PRPF38A: variants seen among roughly 807,000 people sequenced by gnomAD.
PRPF38A encodes the protein pre-mRNA-splicing factor 38A.
Under a neutral mutation model 46.8 loss-of-function variants are expected in PRPF38A, and 11 were observed. The ratio of observed to expected loss-of-function variants is 0.24; its 90% CI spans 0.15 to 0.39. The LOEUF (loss-of-function observed/expected upper bound fraction) is 0.39. Ranked by LOEUF, PRPF38A falls within the 10% of genes least tolerant of loss-of-function variation. The pLI is 1.00. For missense variants in PRPF38A, 261 were observed against 407.5 expected (o/e 0.64, Z 3.10); for synonymous variants, 124 against 136.2 (o/e 0.91, Z 0.62).
At chr1:52,413,816 A>G (rs1648214819) in intron 5 of PRPF38A, 63 bp from the exon 6 acceptor site, 26 of 1,047,768 alleles carry the variant, frequency 2.5e-5, no homozygotes, top group Non-Finnish European at 3.7e-5. Flanking sequence ...AAGTATAATT[A>G]GTGTTCCTAG....
At chr1:52,410,476 C>T (rs1011068624) in intron 3 of PRPF38A, among the ~76,000 whole-genome samples, 6 of 146,510 alleles carry the variant, frequency 4.1e-5, no homozygotes, top group East Asian at 3.9e-4. Flanking sequence ...TATATATATA[C>T]ACACACACAC....
rs1648360817 is a variant in PRPF38A, at chr1:52,418,702, G to C, written c.*2012G>C. The C allele has an allele frequency of 1.3e-5, 2 of 152,200 alleles. No individual in the cohort carries two copies. Among genetic ancestry groups the C allele is most frequent in the Non-Finnish European group, 2.9e-5 (2 of 68,028 alleles). 9.4% of individuals were successfully genotyped at this position (152,200 alleles called of 1,614,324 possible). On this transcript the variant is annotated 3_prime_UTR_variant, in exon 10 of 10. Transcript: ENST00000257181. ...ATATCGTTTTGATAAAATTACACAG[G>C]AGATGGAGCTTGAGGACAAACCTTG...
In PRPF38A at chr1:52,414,618, T is replaced by C. The variant is rs767096152; in HGVS notation, c.723-3T>C. On this transcript the variant is annotated splice_polypyrimidine_tract_variant and splice_region_variant and intron_variant, in intron 6 of 9. Coordinates refer to ENST00000257181, the MANE Select transcript of PRPF38A (RefSeq NM_032864.4). ...GGCTTTCTTCTTCCTCTCCTCTTTA[T>C]AGGCGGAGTCGATCTCCCAAAAGGA... 8 of 1,613,518 alleles carry C rather than the reference T, an allele frequency of 5.0e-6. No individual in the cohort carries two copies. The highest frequency in any genetic ancestry group is 5.9e-6 in the Non-Finnish European group (7 of 1,180,002).
rs1557593572 is a variant in PRPF38A at position 52,413,993 on chromosome 1, T to G, written c.722+2T>G. ...GAGTAGGAGCCGGTCTCCCAGAAGG[T>G]AAAGCCTAGTCATTGGCCTTTTCCC... On this transcript the variant is annotated splice_donor_variant, in intron 6 of 9. Coordinates refer to ENST00000257181, the MANE Select transcript of PRPF38A (RefSeq NM_032864.4). LOFTEE classifies it high-confidence loss of function. 1 of 1,593,680 alleles carries G rather than the reference T, an allele frequency of 6.3e-7. No individual in the cohort carries two copies. Among genetic ancestry groups the G allele is most frequent in the East Asian group, 2.2e-5 (1 of 44,796 alleles).
In PRPF38A at chr1:52,418,982, C is replaced by T. The variant is rs1361823861; in HGVS notation, c.*2292C>T. 1 of 152,216 alleles carries T rather than the reference C, an allele frequency of 6.6e-6. No homozygotes were observed. Among genetic ancestry groups the T allele is most frequent in the Non-Finnish European group, 1.5e-5 (1 of 68,034 alleles). 9.4% of individuals were successfully genotyped at this position (152,216 alleles called of 1,614,324 possible). On this transcript the variant is annotated 3_prime_UTR_variant, in exon 10 of 10. Coordinates refer to ENST00000257181, the MANE Select transcript of PRPF38A (RefSeq NM_032864.4). Reference sequence around the variant, plus strand: ...CTTCCAATAATTTGAAATACACTGACTTAAAAGCTTTGCCATAGGGCACAA... The same window carrying T: ...CTTCCAATAATTTGAAATACACTGATTTAAAAGCTTTGCCATAGGGCACAA...
At chr1:52,411,327 C>G (rs2147957185) in intron 4 of PRPF38A, 127 bp downstream of exon 4, 1 of 640,644 alleles carries the variant, frequency 1.6e-6, no homozygotes, top group Non-Finnish European at 2.7e-6. Context: ...GAATAGTCTT[C>G]CTGTCTGGGA....
At chr1:52,406,146 G>A (rs529991852) in intron 2 of PRPF38A, among the ~76,000 whole-genome samples, 11 of 151,868 alleles carry the variant, frequency 7.2e-5, no homozygotes, top group African/African-American at 2.7e-4. Context: ...GTGCCATCAC[G>A]CCTGGCTAAT....
In PRPF38A at chr1:52,416,915, A is replaced by C. The variant is rs1343742548; in HGVS notation, c.*225A>C. 1 of 537,732 alleles carries C rather than the reference A, an allele frequency of 1.9e-6. No individual in the cohort carries two copies. The highest frequency in any genetic ancestry group is 3.1e-5 in the Admixed American group (1 of 32,614). The allele number at this position is 537,732 out of a possible 1,614,324, so 33.3% of individuals were successfully genotyped here. ...ACTAACCTTGACTGTATTCAAACTTATGAGAGTATAAAGGATCTGGAGGTT... is the reference window on the plus strand; with the variant it reads ...ACTAACCTTGACTGTATTCAAACTTCTGAGAGTATAAAGGATCTGGAGGTT... On this transcript the variant is annotated 3_prime_UTR_variant, in exon 10 of 10. Coordinates refer to ENST00000257181, the MANE Select transcript of PRPF38A (RefSeq NM_032864.4).
rs1648438449 is a variant in PRPF38A at position 52,420,783 on chromosome 1, TATAATGC to T, written c.*4094_*4100del. The T allele has an allele frequency of 6.6e-6, 1 of 152,222 alleles. No individual in the cohort carries two copies. The highest frequency in any genetic ancestry group is 2.4e-5 in the African/African-American group (1 of 41,470). 9.4% of individuals were successfully genotyped at this position (152,222 alleles called of 1,614,324 possible). A position where few individuals can be genotyped will look rare whatever the true frequency, so the allele number is the denominator to read the frequency against. ...ATGATTTTTAAACTTTGTACTTTTA[TATAATGC>T]TTATTTTCTTTTTACAATAAACATG... On this transcript the variant is annotated 3_prime_UTR_variant, in exon 10 of 10. Coordinates refer to ENST00000257181, the MANE Select transcript of PRPF38A (RefSeq NM_032864.4).
chr1:52,410,858 A>G (rs1258634742), intron 3 of PRPF38A, among the ~76,000 whole-genome samples: 2 of 152,190 alleles, frequency 1.3e-5, no homozygotes, highest in Admixed American at 1.3e-4. Context: ...TAAATTCAGA[A>G]ACATTGAAGG....
intron 3 of PRPF38A, among the ~76,000 whole-genome samples, chr1:52,409,806 A>G (rs1334274445): frequency 2.6e-5 from 4 of 152,058 alleles, no homozygotes; most frequent in African/African-American, 9.7e-5. Flanking sequence ...TTCTGAACCT[A>G]TTGACATTTT....
chr1:52,407,674 AC>A (rs1648036817), intron 2 of PRPF38A, among the ~76,000 whole-genome samples: 1 of 152,214 alleles, frequency 6.6e-6, no homozygotes, highest in South Asian at 2.1e-4. Flanking sequence ...TAATCCCAGC[AC>A]TTTGGGAGGC....
chr1:52,411,026 C>A, intron 3 of PRPF38A, 89 bp from the exon 4 acceptor site: 2 of 873,336 alleles, frequency 2.3e-6, no homozygotes, highest in Non-Finnish European at 3.8e-6. Context: ...ACATAGATGT[C>A]CTGATATGAA....
At position 52,404,894 on chromosome 1, in the gene PRPF38A, G is replaced by T. The variant is rs760946167; in HGVS notation, c.130+15G>T. On this transcript the variant is annotated intron_variant, in intron 1 of 9. Coordinates refer to ENST00000257181, the MANE Select transcript of PRPF38A (RefSeq NM_032864.4). ...TGGACTTACAGGTAAGTGGAAGCGCGCGGAGCGCCTCTCAGCCCCCTTGTG... is the reference window on the plus strand; with the variant it reads ...TGGACTTACAGGTAAGTGGAAGCGCTCGGAGCGCCTCTCAGCCCCCTTGTG... 6.2e-7 allele frequency: 1 copy of T among 1,612,826 alleles called. No homozygotes were observed. Among genetic ancestry groups the T allele is most frequent in the Non-Finnish European group, 8.5e-7 (1 of 1,179,390 alleles).
At chr1:52,413,432 G>T (rs373125598) in intron 5 of PRPF38A, among the ~76,000 whole-genome samples, 1 of 151,908 alleles carries the variant, frequency 6.6e-6, no homozygotes, top group East Asian at 1.9e-4. Context: ...TTTGAGATAG[G>T]GTCTTGCTCT....
chr1:52,408,495 T>G (rs1428274612), intron 2 of PRPF38A, 74 bp from the exon 3 acceptor site: 1 of 1,596,056 alleles, frequency 6.3e-7, no homozygotes, highest in African/African-American at 1.3e-5. Context: ...TCCACTACTG[T>G]CATGAGAACA....
chr1:52,414,015 T>A (rs555197588), intron 6 of PRPF38A, 24 bp downstream of exon 6: 1 of 1,511,388 alleles, frequency 6.6e-7, no homozygotes, highest in Admixed American at 1.7e-5. Context: ...ATTGGCCTTT[T>A]CCCAGAAGAT....
At position 52,416,552 on chromosome 1, in the gene PRPF38A, G is replaced by GATT. The variant is rs1421884287; in HGVS notation, c.897-96_897-95insATT. ...TCGAATTCCTGACCTCAGGTGATCT[G>GATT]CCTACCTTGGCATCCCAAAGTGCTG... On this transcript the variant is annotated intron_variant, in intron 9 of 9. Coordinates refer to ENST00000257181, the MANE Select transcript of PRPF38A (RefSeq NM_032864.4). 1.6e-5 allele frequency: 14 copies of GATT among 860,070 alleles called. No homozygotes were observed. The African/African-American group carries it at 2.4e-4, about 15-fold the overall frequency. 53.3% of individuals were successfully genotyped at this position (860,070 alleles called of 1,614,324 possible).
Position 52,418,340 on chromosome 1 carries a change from ATTTC to A in PRPF38A, c.*1654_*1657del, listed in dbSNP as rs1159730971. 2 of 152,216 alleles carry A rather than the reference ATTTC, an allele frequency of 1.3e-5. No homozygotes were observed. The highest frequency in any genetic ancestry group is 4.8e-5 in the African/African-American group (2 of 41,456). 9.4% of individuals were successfully genotyped at this position (152,216 alleles called of 1,614,324 possible). On this transcript the variant is annotated 3_prime_UTR_variant, in exon 10 of 10. Coordinates refer to ENST00000257181, the MANE Select transcript of PRPF38A (RefSeq NM_032864.4). The stretch of plus-strand genomic sequence containing the variant: ...AATGTATTACAGTGTCATAGCAGTT[ATTTC>A]TTTATGAAAGTGATCTAGGTAGAAA...
Sources: allele counts gnomAD v4.1 joint callset (sites outside exome capture counted in the v4.1 genomes callset), GRCh38; gene constraint gnomAD v4.1.1; transcripts MANE v1.5; gene names NCBI Gene and HGNC (gene_info 2026-07-23, HGNC 2026-07-21).